CEP350: variants seen among roughly 807,000 people sequenced by gnomAD.
CEP350 encodes the protein centrosomal protein 350, also known as centrosome-associated protein 350.
A neutral mutation model predicts 331.8 loss-of-function variants in CEP350; 126 were observed. The ratio of observed to expected loss-of-function variants is 0.38; its 90% CI spans 0.33 to 0.44. CEP350 has a LOEUF of 0.44. CEP350 is among the 20% of genes least tolerant of loss of function. CEP350 has a pLI of 1.00. For missense variants in CEP350, 3,406 were observed against 3,634.6 expected, an observed-to-expected ratio of 0.94 and a Z score of 1.62; for synonymous variants, 1,200 against 1,259.5, an observed-to-expected ratio of 0.95 and a Z score of 1.00.
chr1:180,030,851 A>T (rs1055676576), intron 14 of CEP350, among the ~76,000 whole-genome samples: 5 of 152,068 alleles, frequency 3.3e-5, no homozygotes, highest in Admixed American at 2.6e-4. Context: ...TATTCCTATG[A>T]GTAAAATTAT....
intron 1 of CEP350, among the ~76,000 whole-genome samples, chr1:179,957,816 G>A (rs1192720005): frequency 1.3e-5 from 2 of 152,126 alleles, no homozygotes; most frequent in Non-Finnish European, 2.9e-5. Context: ...TCTGGCAACA[G>A]GTTACGGTAA....
rs1164083208 is a variant in CEP350, at chr1:180,093,571, C to T, written c.7466C>T (p.Pro2489Leu). ...GAATCCCCTTCCTTGGCTTCAGTTC[C>T]TACTGCAGACGAGTTATTTGATTTC... ...VTESPSLASVPTADELFDFHI... is the reference protein window; with the variant it reads ...VTESPSLASVLTADELFDFHI... The change falls in exon 34 of 38, where the codon CCT (proline) becomes CTT (leucine). Residue 2489 changes from proline (P) to leucine (L), a missense_variant. By Grantham distance (98) the Pro-to-Leu change is moderately conservative. This residue lies in a region of CEP350 where 1,415 missense variants were observed against 1,512.3 expected (regional missense o/e 0.94). Transcript: ENST00000367607. 1 of 1,613,950 alleles carries T rather than the reference C, an allele frequency of 6.2e-7. No homozygotes were observed. The highest frequency in any genetic ancestry group is 8.5e-7 in the Non-Finnish European group (1 of 1,179,854).
At chr1:180,043,005 C>G (rs1316448327) in intron 19 of CEP350, 51 bp from the exon 20 acceptor site, 7 of 1,571,496 alleles carry the variant, frequency 4.5e-6, no homozygotes, top group Non-Finnish European at 6.1e-6. Flanking sequence ...TCTCAGTTCT[C>G]TGACCTTACG....
intron 27 of CEP350, among the ~76,000 whole-genome samples, chr1:180,067,064 G>A (rs992621761): frequency 2.6e-5 from 4 of 152,258 alleles, no homozygotes; most frequent in Non-Finnish European, 4.4e-5. Flanking sequence ...CTTGAGGTCA[G>A]TTAGTTTCTG....
intron 22 of CEP350, among the ~76,000 whole-genome samples, chr1:180,052,568 G>A (rs28710830): frequency 6.6e-6 from 1 of 152,008 alleles, no homozygotes; most frequent in Admixed American, 6.5e-5. Context: ...GAATTAATGA[G>A]TTTTTTAAAA....
chr1:180,054,479 C>G lies in CEP350; in HGVS notation c.5239C>G (p.Leu1747Val), dbSNP rs1450565486. The change falls in exon 25 of 38, where the codon CTT becomes GTT. Residue 1747 changes from leucine to valine, a missense_variant. By Grantham distance (32) the Leu-to-Val change is conservative. Transcript: ENST00000367607. Reference protein sequence around the residue: ...PPLRKKQRGLLLRLQQEKAEI... With the variant: ...PPLRKKQRGLVLRLQQEKAEI... The stretch of plus-strand genomic sequence containing the variant: ...GCTCCGGAAGAAACAGCGTGGTTTG[C>G]TTTTAAGGTTGCAGCAAGAAAAGGT... 6.2e-7 allele frequency: 1 copy of G among 1,601,172 alleles called. No individual in the cohort carries two copies. The highest frequency in any genetic ancestry group is 1.3e-5 in the African/African-American group (1 of 74,696).
rs943964147 is a variant in CEP350 at position 180,113,483 on chromosome 1, A to G, written c.*2322A>G. 1 of 152,162 alleles carries G rather than the reference A, an allele frequency of 6.6e-6. No individual in the cohort carries two copies. Among genetic ancestry groups the G allele is most frequent in the African/African-American group, 2.4e-5 (1 of 41,450 alleles). The allele number at this position is 152,162 out of a possible 1,614,324, so 9.4% of individuals were successfully genotyped here. ...CTGACAGACTCCAACTGTCTTTACT[A>G]TCTGAAGAATCCTAGGCTCCACATG... On this transcript the variant is annotated 3_prime_UTR_variant, in exon 38 of 38. Coordinates refer to ENST00000367607, the MANE Select transcript of CEP350 (RefSeq NM_014810.5).
At chr1:179,987,014 G>A (rs963459459) in intron 2 of CEP350, among the ~76,000 whole-genome samples, 4 of 152,140 alleles carry the variant, frequency 2.6e-5, no homozygotes, top group African/African-American at 4.8e-5. Context: ...TGGTAGCAGT[G>A]TCTGTTTACC....
intron 6 of CEP350, among the ~76,000 whole-genome samples, chr1:180,001,854 G>A (rs1421641999): frequency 1.3e-5 from 2 of 152,010 alleles, no homozygotes; most frequent in Non-Finnish European, 2.9e-5. Context: ...ATTTATGATC[G>A]GTATTCTTTT....
intron 29 of CEP350, among the ~76,000 whole-genome samples, chr1:180,079,742 A>G (rs1211541713): frequency 1.3e-5 from 2 of 152,188 alleles, no homozygotes; most frequent in African/African-American, 2.4e-5. Context: ...TTATAAATCA[A>G]TTAGATTCTA....
rs756271362 is a variant in CEP350, at chr1:180,034,080, C to G, written c.3944C>G (p.Pro1315Arg). 2 of 1,612,514 alleles carry G rather than the reference C, an allele frequency of 1.2e-6. No homozygotes were observed. The highest frequency in any genetic ancestry group is 2.7e-5 in the African/African-American group (2 of 74,864). ...ACGACAGAGAACATGGCTCCAATAC[C>G]AGGTAAGTAGATTCATGCAATTGTA... Reference protein sequence around the residue: ...RTTTENMAPIPGSKRFSPAGL... With the variant: ...RTTTENMAPIRGSKRFSPAGL... Residue 1315 changes from proline to arginine, a missense_variant and splice_region_variant, in exon 16 of 38, where the codon CCA becomes CGA. By Grantham distance (103) the Pro-to-Arg change is moderately radical. Around this residue, in one of 5 missense-constraint regions of CEP350, gnomAD observed 1,857 missense variants for 1,909.2 expected, o/e 0.97. Coordinates refer to ENST00000367607, the MANE Select transcript of CEP350 (RefSeq NM_014810.5).
chr1:180,055,337 A>G (rs1184777441), intron 25 of CEP350, among the ~76,000 whole-genome samples: 1 of 152,082 alleles, frequency 6.6e-6, no homozygotes, highest in Non-Finnish European at 1.5e-5. Flanking sequence ...ATGAGGTAAC[A>G]TATGTAAAGT....
intron 22 of CEP350, among the ~76,000 whole-genome samples, chr1:180,051,424 A>G (rs543527556): frequency 4.6e-5 from 7 of 152,308 alleles, no homozygotes; most frequent in Non-Finnish European, 8.8e-5. Flanking sequence ...TTGGAAAACA[A>G]TTGGTTTTTA....
chr1:179,987,131 T>A (rs945134852), intron 2 of CEP350, 109 bp from the exon 3 acceptor site: 1 of 621,004 alleles, frequency 1.6e-6, no homozygotes, highest in Non-Finnish European at 2.8e-6. Context: ...CCTAATAAGG[T>A]AGTTTTCAGA....
chr1:180,031,867 ACT>A (rs1280589458), intron 15 of CEP350, among the ~76,000 whole-genome samples: 5 of 151,954 alleles, frequency 3.3e-5, no homozygotes, highest in Non-Finnish European at 5.9e-5. Flanking sequence ...TAAGTGCATA[ACT>A]CTACTTGAAG....
chr1:180,019,929 A>G lies in CEP350; in HGVS notation c.2175-20A>G. On this transcript the variant is annotated intron_variant, in intron 11 of 37. Coordinates refer to ENST00000367607, the MANE Select transcript of CEP350 (RefSeq NM_014810.5). ...AAATGGTGGTTTAGTTAACTAACATATTGTGACTTTCATTTCCAGAAAAGA... is the reference window on the plus strand; with the variant it reads ...AAATGGTGGTTTAGTTAACTAACATGTTGTGACTTTCATTTCCAGAAAAGA... 2 of 1,552,652 alleles carry G rather than the reference A, an allele frequency of 1.3e-6. No individual in the cohort carries two copies. Among genetic ancestry groups the G allele is most frequent in the Non-Finnish European group, 1.7e-6 (2 of 1,154,982 alleles).
chr1:180,088,360 G>A (rs542531918), intron 32 of CEP350, among the ~76,000 whole-genome samples: 1 of 150,660 alleles, frequency 6.6e-6, no homozygotes, highest in South Asian at 2.1e-4. Context: ...GTAAAGGTTA[G>A]ATCAGTTCAA....
chr1:180,094,271 T>C lies in CEP350; in HGVS notation c.8166T>C (p.Leu2722=), dbSNP rs1405325148. Reference sequence around the variant, plus strand: ...AGCTTTGTACACCACTTCTGGATCTTTTAACAAGAGAAAAAAACCAACTGG... The same window carrying C: ...AGCTTTGTACACCACTTCTGGATCTCTTAACAAGAGAAAAAAACCAACTGG... ...SEKLCTPLLD[L]LTREKNQLEA... is the part of the protein sequence containing the mutation. Residue 2722 remains leucine, a synonymous_variant, in exon 34 of 38, where the codon CTT becomes CTC. Coordinates refer to ENST00000367607, the MANE Select transcript of CEP350 (RefSeq NM_014810.5). The C allele has an allele frequency of 2.5e-6, 4 of 1,613,492 alleles. No homozygotes were observed. The highest frequency in any genetic ancestry group is 3.4e-6 in the Non-Finnish European group (4 of 1,179,730).
At chr1:180,092,257 CT>C (rs1660239699) in intron 33 of CEP350, among the ~76,000 whole-genome samples, 1 of 152,162 alleles carries the variant, frequency 6.6e-6, no homozygotes, top group South Asian at 2.1e-4. Context: ...TTCTCCTTCA[CT>C]AGTTTCCTGT....
Sources: gnomAD v4.1 joint callset for allele counts (sites outside exome capture counted in the v4.1 genomes callset) on GRCh38, gnomAD v4.1.1 for gene constraint, gnomAD v4.1.1 regional missense constraint, MANE v1.5 for transcripts, NCBI Gene and HGNC (gene_info 2026-07-23, HGNC 2026-07-21) for gene names.